Variants in QTRT2 observed in about 807,000 individuals in gnomAD.
The protein encoded by QTRT2 is queuine tRNA-ribosyltransferase domain containing 1.
QTRT2 carries 32 observed loss-of-function variants against 44.8 expected under a neutral mutation model. The ratio of observed to expected loss-of-function variants is 0.71; its 90% confidence interval spans 0.54 to 0.96. The LOEUF is 0.96. Ranked by LOEUF, QTRT2 falls within the 40% of genes least tolerant of loss-of-function variation. The pLI, the probability that QTRT2 is intolerant of heterozygous loss-of-function variation, is 0.00. For missense variants in QTRT2, 461 were observed against 503.1 expected, an observed-to-expected ratio of 0.92 and a Z score of 0.80; for synonymous variants, 182 against 187.4, an observed-to-expected ratio of 0.97 and a Z score of 0.24.
rs768006089 is a variant in QTRT2, at chr3:114,066,240, T to C, written c.213T>C (p.His71=). 1.0e-5 allele frequency: 16 copies of C among 1,605,036 alleles called. No homozygotes were observed. The Admixed American group carries it at 2.5e-4, about 25-fold the overall frequency. ...QLTLSSLAEH[H]EVLTEYKEGV... is the part of the protein sequence containing the mutation. ...GTTTTGCTTACAGAGCAGAACATCA[T>C]GAAGTCTTGACAGAATATAAAGAAG... The change falls in exon 4 of 10, where the codon CAT becomes CAC. Residue 71 remains histidine, a synonymous_variant. Transcript: ENST00000281273.
chr3:114,078,631 A>G (rs964952201), intron 7 of QTRT2: 2 of 152,150 alleles, frequency 1.3e-5, no homozygotes, highest in Non-Finnish European at 2.9e-5. Context: ...CAAGTTGAGT[A>G]TCCTTTATCC....
intron 4 of QTRT2, 135 bp downstream of exon 4, chr3:114,066,418 C>A: frequency 1.7e-6 from 1 of 594,346 alleles, no homozygotes; most frequent in Non-Finnish European, 3.0e-6. Flanking sequence ...CATCTAAGAG[C>A]CAGGCATTGG....
intron 2 of QTRT2, among the ~76,000 whole-genome samples, chr3:114,062,218 ATTAG>A (rs1468903578): frequency 7.9e-5 from 12 of 151,932 alleles, no homozygotes; most frequent in Admixed American, 7.9e-4. Flanking sequence ...AAGTTTTTTA[ATTAG>A]TTAGGTGCAG....
Position 114,073,112 on chromosome 3 carries a change from A to G in QTRT2, c.546+2274A>G, listed in dbSNP as rs145821366. ...AGGAAACATAGTTATTCTGAATAGA[A>G]TTCACAGTATATGTAACAAGAGTTT... On this transcript the variant is annotated intron_variant, in intron 6 of 9. Transcript: ENST00000281273. Among the ~76,000 whole-genome samples the G allele has an allele frequency of 4.6e-3, 706 of 152,348 alleles. 7 individuals carry two copies. The highest frequency in any genetic ancestry group is 0.016 in the African/African-American group (668 of 41,566).
chr3:114,068,066 G>A lies in QTRT2; in HGVS notation c.333+3G>A, dbSNP rs747150053. The A allele has an allele frequency of 5.0e-5, 81 of 1,613,200 alleles. No homozygotes were observed. Among genetic ancestry groups the A allele is most frequent in the Middle Eastern group, 1.6e-4 (1 of 6,078 alleles). ...CGGCTGGTTATGTAACAAACAAGGT[G>A]TGTTTTCAGAAGGGTCTCCAAGGCT... On this transcript the variant is annotated splice_donor_region_variant and intron_variant, in intron 5 of 9. Coordinates refer to ENST00000281273, the MANE Select transcript of QTRT2 (RefSeq NM_024638.4).
intron 6 of QTRT2, among the ~76,000 whole-genome samples, chr3:114,072,728 T>TA (rs2077041198): frequency 1.3e-5 from 2 of 152,182 alleles, no homozygotes; most frequent in Non-Finnish European, 2.9e-5. Context: ...CTCCATATAT[T>TA]ACCTGGGTTA....
At chr3:114,064,041 C>A (rs1216365834) in intron 2 of QTRT2, among the ~76,000 whole-genome samples, 2 of 151,936 alleles carry the variant, frequency 1.3e-5, no homozygotes, top group Non-Finnish European at 2.9e-5. Context: ...ATGGTGAAAC[C>A]CCATTTCTAC....
intron 4 of QTRT2, among the ~76,000 whole-genome samples, chr3:114,067,663 A>T (rs1463953865): frequency 6.6e-6 from 1 of 152,194 alleles, no homozygotes; most frequent in Admixed American, 6.5e-5. Flanking sequence ...AGCATATTTG[A>T]TAGTAAATTC....
In QTRT2 at chr3:114,082,712, T is replaced by C; in HGVS notation, c.934T>C (p.Cys312Arg). ...QQNGTQEEIK[C>R]MDQIKKIETT... ...AAATGGAACACAAGAAGAAATAAAATGTATGGATCAAATAAAGAAAATTGA... is the reference window on the plus strand; with the variant it reads ...AAATGGAACACAAGAAGAAATAAAACGTATGGATCAAATAAAGAAAATTGA... Residue 312 changes from cysteine to arginine, a missense_variant, in exon 9 of 10, where the codon TGT (cysteine) becomes CGT (arginine). By Grantham distance (180) the Cys-to-Arg change is radical. Transcript: ENST00000281273. The C allele has an allele frequency of 1.3e-6, 2 of 1,519,992 alleles. No homozygotes were observed. Among genetic ancestry groups the C allele is most frequent in the Non-Finnish European group, 1.8e-6 (2 of 1,111,606 alleles). The allele number at this position is 1,519,992 out of a possible 1,614,324, so 94.2% of individuals were successfully genotyped here. A position where few individuals can be genotyped will look rare whatever the true frequency, so the allele number is the denominator to read the frequency against.
Position 114,085,888 on chromosome 3 carries a change from A to G in QTRT2, c.1232A>G (p.His411Arg). The G allele has an allele frequency of 6.2e-7, 1 of 1,613,808 alleles. No individual in the cohort carries two copies. The highest frequency in any genetic ancestry group is 8.5e-7 in the Non-Finnish European group (1 of 1,179,662). Residue 411 changes from histidine (H) to arginine (R), a missense_variant, in exon 10 of 10, where the codon CAC (histidine) becomes CGC (arginine). Physicochemically the swap from His to Arg is conservative, Grantham distance 29. Transcript: ENST00000281273. ...CTGGCACAGTTGAAAGAGCTCATCCACAGGCAAGCATCTTGAGATCTTGCA... is the reference window on the plus strand; with the variant it reads ...CTGGCACAGTTGAAAGAGCTCATCCGCAGGCAAGCATCTTGAGATCTTGCA... The part of the protein sequence containing the change: ...DKLAQLKELI[H>R]RQAS
rs1345161452 is a variant in QTRT2, at chr3:114,076,876, C to A, written c.680C>A (p.Thr227Lys). 6.2e-7 allele frequency: 1 copy of A among 1,614,096 alleles called. No homozygotes were observed. Among genetic ancestry groups the A allele is most frequent in the Non-Finnish European group, 8.5e-7 (1 of 1,180,054 alleles). ...FLLDGFQGNP[T>K]TLEARLRLLS... ...CTGGATGGTTTTCAAGGAAATCCAA[C>A]AACCCTGGAGGCTAGACTACGCTTG... Residue 227 changes from threonine to lysine, a missense_variant, in exon 7 of 10, where the codon ACA (threonine) becomes AAA (lysine). Transcript: ENST00000281273.
intron 6 of QTRT2, among the ~76,000 whole-genome samples, chr3:114,074,927 A>G (rs2077069348): frequency 6.6e-6 from 1 of 152,216 alleles, no homozygotes; most frequent in South Asian, 2.1e-4. Context: ...CATACTGTGT[A>G]TATATTATGA....
At position 114,068,078 on chromosome 3, in the gene QTRT2, G is replaced by A. The variant is rs777048141; in HGVS notation, c.333+15G>A. 1 of 1,610,132 alleles carries A rather than the reference G, an allele frequency of 6.2e-7. No individual in the cohort carries two copies. The highest frequency in any genetic ancestry group is 1.1e-5 in the South Asian group (1 of 90,976). On this transcript the variant is annotated intron_variant, in intron 5 of 9. Coordinates refer to ENST00000281273, the MANE Select transcript of QTRT2 (RefSeq NM_024638.4). The stretch of plus-strand genomic sequence containing the variant: ...TAACAAACAAGGTGTGTTTTCAGAA[G>A]GGTCTCCAAGGCTGCAGCTTTGTCC...
At chr3:114,084,879 C>T (rs560435828) in intron 9 of QTRT2, among the ~76,000 whole-genome samples, 2 of 152,208 alleles carry the variant, frequency 1.3e-5, no homozygotes, top group East Asian at 1.9e-4. Flanking sequence ...TAGTTATCTC[C>T]AAGAATGAAT....
rs372118875 is a variant in QTRT2 at position 114,073,795 on chromosome 3, T to C, written c.547-2948T>C. 1.4e-4 allele frequency among the ~76,000 whole-genome samples: 21 copies of C among 152,290 alleles called. No homozygotes were observed. In the East Asian group the frequency reaches 3.5e-3, roughly 25 times the overall value. On this transcript the variant is annotated intron_variant, in intron 6 of 9. Transcript: ENST00000281273. ...CTTCCATTTTAGATAATAAATTATA[T>C]GATCGTGCTTCTTACACCCAGGAAA...
Position 114,087,993 on chromosome 3 carries a change from T to A in QTRT2, c.*2089T>A, listed in dbSNP as rs925522993. 3.3e-5 allele frequency: 5 copies of A among 152,178 alleles called. No individual in the cohort carries two copies. Among genetic ancestry groups the A allele is most frequent in the African/African-American group, 4.8e-5 (2 of 41,440 alleles). 9.4% of individuals were successfully genotyped at this position (152,178 alleles called of 1,614,324 possible). A position where few individuals can be genotyped will look rare whatever the true frequency, so the allele number is the denominator to read the frequency against. The stretch of plus-strand genomic sequence containing the variant: ...GGTTTTCTTTTTCTTAGTATGGGAG[T>A]GTCCATGAATAAATTCATGGGCATC... On this transcript the variant is annotated 3_prime_UTR_variant, in exon 10 of 10. Transcript: ENST00000281273.
At chr3:114,076,359 A>C (rs2077090433) in intron 6 of QTRT2, among the ~76,000 whole-genome samples, 1 of 151,934 alleles carries the variant, frequency 6.6e-6, no homozygotes, top group African/African-American at 2.4e-5. Flanking sequence ...TTTTGTAGAG[A>C]CCAGGTGTCG....
At chr3:114,076,020 A>T (rs779569249) in intron 6 of QTRT2, among the ~76,000 whole-genome samples, 12 of 152,200 alleles carry the variant, frequency 7.9e-5, no homozygotes, top group Admixed American at 3.9e-4. Context: ...GTAGATAGTC[A>T]GTTGTCTCAA....
At chr3:114,061,971 C>A (rs1463780660) in intron 2 of QTRT2, among the ~76,000 whole-genome samples, 1 of 144,370 alleles carries the variant, frequency 6.9e-6, no homozygotes, top group Non-Finnish European at 1.5e-5. Flanking sequence ...TTTGAAAAAT[C>A]TTGTTATTTT....
Sources: allele counts gnomAD v4.1 joint callset (sites outside exome capture counted in the v4.1 genomes callset), GRCh38; gene constraint gnomAD v4.1.1; transcripts MANE v1.5; gene names NCBI Gene and HGNC (gene_info 2026-07-23, HGNC 2026-07-21).